Variants in ANKS1B observed in about 807,000 individuals in gnomAD.
The protein encoded by ANKS1B is ankyrin repeat and sterile alpha motif domain containing 1B.
ANKS1B carries 36 observed loss-of-function variants against 148.3 expected under a neutral mutation model. That is an observed-to-expected ratio of 0.24 (90% confidence interval 0.19 to 0.32). The LOEUF is 0.32. Ranked by LOEUF, ANKS1B falls within the 10% of genes least tolerant of loss-of-function variation. The pLI is 1.00. For missense variants in ANKS1B, 1,157 were observed against 1,542.6 expected (o/e 0.75, Z 4.19); for synonymous variants, 542 against 560.8 (o/e 0.97, Z 0.47).
intron 12 of ANKS1B, among the ~76,000 whole-genome samples, chr12:99,327,220 T>C (rs2086540992): frequency 8.4e-6 from 1 of 118,538 alleles, no homozygotes. Flanking sequence ...TTATATAATA[T>C]AATTTATAAT....
chr12:99,899,041 T>C (rs55703869), intron 1 of ANKS1B, among the ~76,000 whole-genome samples: 109 of 152,280 alleles, frequency 7.2e-4, no homozygotes, highest in African/African-American at 2.6e-3. Context: ...ATTAGTGGCA[T>C]TGGTGATAAT....
chr12:99,356,765 T>C (rs796092043), intron 12 of ANKS1B, among the ~76,000 whole-genome samples: 11 of 152,260 alleles, frequency 7.2e-5, no homozygotes, highest in African/African-American at 2.6e-4. Flanking sequence ...AAACATGAGT[T>C]CCCTTTAAAA....
intron 1 of ANKS1B, among the ~76,000 whole-genome samples, chr12:99,894,285 AAGGAAGGGAGGG>A (rs1415711097): frequency 4.4e-4 from 25 of 56,862 alleles, no homozygotes; most frequent in East Asian, 3.2e-3. Flanking sequence ...GGAAGGAAGG[AAGGAAGGGAGGG>A]AGGGAGGGAG....
intron 17 of ANKS1B, among the ~76,000 whole-genome samples, chr12:99,046,955 T>C (rs1436226768): frequency 6.6e-6 from 1 of 151,568 alleles, no homozygotes; most frequent in African/African-American, 2.4e-5. Flanking sequence ...CTTAAAGACA[T>C]AGCAATAGAA....
chr12:98,985,597 ATAAT>A (rs2099922848), intron 17 of ANKS1B, among the ~76,000 whole-genome samples: 1 of 151,620 alleles, frequency 6.6e-6, no homozygotes, highest in African/African-American at 2.4e-5. Flanking sequence ...CCTACTTCAA[ATAAT>A]ATAATAATAT....
Position 99,984,112 on chromosome 12 carries a change from A to C in ANKS1B, c.126T>G (p.Asn42Lys). ...GGGSGPLPLS[N>K]LLSIWRGPNV... ...CTGGTGCCCGTCCTTACCTTAGCAG[A>C]TTAGACAGGGGCAGGGGTCCGGATC... is the stretch of plus-strand genomic sequence containing the variant. The change falls in exon 1 of 27, where the codon AAT becomes AAG. Residue 42 changes from asparagine to lysine, a missense_variant. Physicochemically the swap from Asn to Lys is moderately conservative, Grantham distance 94. Transcript: ENST00000683438. 6.2e-7 allele frequency: 1 copy of C among 1,613,056 alleles called. No individual in the cohort carries two copies. Among genetic ancestry groups the C allele is most frequent in the Non-Finnish European group, 8.5e-7 (1 of 1,179,344 alleles).
In ANKS1B at chr12:99,651,719, A is replaced by C. The variant is rs184704164; in HGVS notation, c.1272+3348T>G. On this transcript the variant is annotated intron_variant, in intron 9 of 26. Transcript: ENST00000683438. ...AGGTCACAGTTTTCTTAAAATTCTA[A>C]AACAATACATATCCTGTTACCTCAT... Among the ~76,000 whole-genome samples, 811 of 152,254 alleles carry C rather than the reference A, an allele frequency of 5.3e-3. 2 individuals are homozygous for C. The highest frequency in any genetic ancestry group is 7.4e-3 in the Non-Finnish European group (504 of 68,006).
chr12:99,503,554 C>T (rs2096676074), intron 10 of ANKS1B, among the ~76,000 whole-genome samples: 1 of 152,036 alleles, frequency 6.6e-6, no homozygotes, highest in African/African-American at 2.4e-5. Context: ...CTAACATAAA[C>T]CAGCTATTTC....
At chr12:99,585,313 C>T (rs117752036) in intron 9 of ANKS1B, among the ~76,000 whole-genome samples, 167 of 152,294 alleles carry the variant, frequency 1.1e-3, no homozygotes, top group Non-Finnish European at 1.3e-3. Flanking sequence ...TCTCCTTTGA[C>T]GCCATGTCTC....
intron 9 of ANKS1B, chr12:99,648,582 A>AT: frequency 6.2e-7 from 1 of 1,614,168 alleles, no homozygotes; most frequent in Admixed American, 1.7e-5. Context: ...GCGTAAAAAA[A>AT]CAGCTCCACC....
chr12:99,811,581 C>T (rs780737474), intron 3 of ANKS1B, among the ~76,000 whole-genome samples: 4 of 151,802 alleles, frequency 2.6e-5, no homozygotes, highest in African/African-American at 4.8e-5. Context: ...CTTACAAATA[C>T]ATTAACTGTC....
At chr12:98,788,050 G>T (rs1271943495) in intron 22 of ANKS1B, among the ~76,000 whole-genome samples, 2 of 152,076 alleles carry the variant, frequency 1.3e-5, no homozygotes, top group African/African-American at 2.4e-5. Flanking sequence ...TGCAAAGCTT[G>T]CAGGAGGACC....
intron 12 of ANKS1B, among the ~76,000 whole-genome samples, chr12:99,349,089 C>T (rs1258491291): frequency 2.6e-5 from 4 of 151,778 alleles, no homozygotes; most frequent in African/African-American, 9.7e-5. Context: ...ACTATTGAAG[C>T]TAAGTGGGTA....
intron 2 of ANKS1B, among the ~76,000 whole-genome samples, chr12:99,813,495 C>T: frequency 6.6e-6 from 1 of 151,182 alleles, no homozygotes; most frequent in Non-Finnish European, 1.5e-5. Context: ...TAAAATCAGA[C>T]TCTAGATGCA....
At chr12:99,625,924 T>C (rs1477791915) in intron 9 of ANKS1B, among the ~76,000 whole-genome samples, 1 of 152,124 alleles carries the variant, frequency 6.6e-6, no homozygotes, top group Non-Finnish European at 1.5e-5. Context: ...GAAAGTCTCC[T>C]TGTGGAACAT....
At chr12:99,679,269 C>T (rs544800799) in intron 8 of ANKS1B, among the ~76,000 whole-genome samples, 6 of 152,214 alleles carry the variant, frequency 3.9e-5, no homozygotes, top group East Asian at 3.9e-4. Context: ...TTAAATGGCA[C>T]GTATTTAAAG....
chr12:99,623,238 G>A (rs908798944), intron 9 of ANKS1B, among the ~76,000 whole-genome samples: 3 of 151,278 alleles, frequency 2.0e-5, no homozygotes, highest in African/African-American at 7.3e-5. Flanking sequence ...CAAAAAACTA[G>A]GCATCAAAGG....
chr12:99,822,493 C>T (rs975860096), intron 2 of ANKS1B, among the ~76,000 whole-genome samples: 1 of 152,120 alleles, frequency 6.6e-6, no homozygotes, highest in Non-Finnish European at 1.5e-5. Flanking sequence ...ATCTTTATGT[C>T]CACAAGTAGC....
chr12:99,943,747 G>T (rs1473445250), intron 1 of ANKS1B, among the ~76,000 whole-genome samples: 2 of 152,040 alleles, frequency 1.3e-5, no homozygotes, highest in Admixed American at 6.5e-5. Context: ...CAAGATTTGG[G>T]TGGGGACACA....
Sources: gnomAD v4.1 joint callset for allele counts (sites outside exome capture counted in the v4.1 genomes callset) on GRCh38, gnomAD v4.1.1 for gene constraint, MANE v1.5 for transcripts, NCBI Gene and HGNC (gene_info 2026-07-23, HGNC 2026-07-21) for gene names.